The following ZNF385D variants were observed in gnomAD, a reference collection of about 807,000 sequenced individuals.
ZNF385D encodes the protein zinc finger protein 659.
A neutral mutation model predicts 35.8 loss-of-function variants in ZNF385D; 15 were observed. The observed-to-expected ratio is 0.42, with a 90% CI of 0.28 to 0.64. ZNF385D has a LOEUF of 0.64. ZNF385D is among the 30% of genes least tolerant of loss of function. The probability of loss-of-function intolerance (pLI) is 0.23; values close to 1 mark genes in which losing one functional copy is unlikely to be tolerated. For missense variants in ZNF385D, 474 were observed against 494.6 expected, an observed-to-expected ratio of 0.96 and a Z score of 0.39; for synonymous variants, 212 against 186.8, an observed-to-expected ratio of 1.13 and a Z score of -1.10.
chr3:21,667,206 G>T (rs774022344), intron 1 of ZNF385D, among the ~76,000 whole-genome samples: 1 of 152,206 alleles, frequency 6.6e-6, no homozygotes, highest in Non-Finnish European at 1.5e-5. Context: ...TTGTTTCCCA[G>T]GCTGGAGTGC....
chr3:21,970,120 C>T (rs570582229), intron 3 of ZNF385D, among the ~76,000 whole-genome samples: 1 of 152,222 alleles, frequency 6.6e-6, no homozygotes, highest in East Asian at 1.9e-4. Context: ...ACAAGCTGAA[C>T]TATGAAGGTA....
chr3:21,602,752 C>G (rs1020151039), intron 2 of ZNF385D, among the ~76,000 whole-genome samples: 4 of 151,222 alleles, frequency 2.6e-5, no homozygotes, highest in Admixed American at 2.6e-4. Context: ...CCAGGATGGT[C>G]TCGATCTCCT....
chr3:21,765,304 T>C (rs989841432), intron 3 of ZNF385D, among the ~76,000 whole-genome samples: 1 of 151,968 alleles, frequency 6.6e-6, no homozygotes, highest in African/African-American at 2.4e-5. Context: ...AAGGGATCAA[T>C]ACTGATGGAA....
chr3:22,158,665 TAC>T (rs1333676571), intron 3 of ZNF385D, among the ~76,000 whole-genome samples: 1 of 150,346 alleles, frequency 6.7e-6, no homozygotes, highest in African/African-American at 2.4e-5. Flanking sequence ...AATACCATCT[TAC>T]ACACACACAC....
chr3:21,817,412 G>A (rs2073199612), intron 3 of ZNF385D, among the ~76,000 whole-genome samples: 3 of 152,088 alleles, frequency 2.0e-5, no homozygotes, highest in Admixed American at 6.5e-5. Context: ...CAGAATGGGA[G>A]AAAATTGTTG....
intron 3 of ZNF385D, among the ~76,000 whole-genome samples, chr3:21,812,545 T>C (rs1002294795): frequency 6.6e-6 from 1 of 152,356 alleles, no homozygotes; most frequent in South Asian, 2.1e-4. Flanking sequence ...ACCAGGAGGT[T>C]ATATCCCATG....
intron 3 of ZNF385D, chr3:21,878,102 G>GATGACAT (rs1237699226): frequency 6.6e-6 from 1 of 151,930 alleles, no homozygotes; most frequent in Non-Finnish European, 1.5e-5. Context: ...TCTTCGAACT[G>GATGACAT]ATGACATCTT....
At chr3:21,896,394 TAAAAC>T (rs1699139168) in intron 3 of ZNF385D, among the ~76,000 whole-genome samples, 1 of 152,034 alleles carries the variant, frequency 6.6e-6, no homozygotes. Context: ...AAAAACAAAA[TAAAAC>T]AAAAAATTTC....
intron 2 of ZNF385D, among the ~76,000 whole-genome samples, chr3:22,293,446 C>T (rs905535292): frequency 3.3e-5 from 5 of 152,046 alleles, no homozygotes; most frequent in African/African-American, 7.2e-5. Context: ...AAACCTGGTA[C>T]TCTTCCCTAA....
chr3:21,939,311 G>C (rs1417822186), intron 3 of ZNF385D, among the ~76,000 whole-genome samples: 2 of 152,140 alleles, frequency 1.3e-5, no homozygotes, highest in African/African-American at 4.8e-5. Flanking sequence ...ACACTGTTAA[G>C]TACGTATTAT....
intron 3 of ZNF385D, among the ~76,000 whole-genome samples, chr3:21,909,339 T>A (rs184143131): frequency 6.6e-6 from 1 of 152,138 alleles, no homozygotes; most frequent in Admixed American, 6.6e-5. Flanking sequence ...CAACACAAAA[T>A]AACTCTCATG....
intron 3 of ZNF385D, among the ~76,000 whole-genome samples, chr3:21,542,220 T>C (rs2125564960): frequency 6.6e-6 from 1 of 152,312 alleles, no homozygotes; most frequent in Non-Finnish European, 1.5e-5. Flanking sequence ...TTACTTAGGA[T>C]ATGAATCCTG....
chr3:22,007,864 C>A (rs1696317153), intron 3 of ZNF385D, among the ~76,000 whole-genome samples: 1 of 151,280 alleles, frequency 6.6e-6, no homozygotes, highest in Non-Finnish European at 1.5e-5. Context: ...TTTGTTAATA[C>A]AAAAGCTTTC....
In ZNF385D at chr3:22,134,505, C is replaced by G. The variant is rs1040033294; in HGVS notation, c.325+34312G>C. On this transcript the variant is annotated intron_variant, in intron 3 of 5. Transcript: ENST00000494108. ...AGATCTAAACAACATCGTCAACCAACAAAATCTAACTGACAATTACAGAAC... is the reference window on the plus strand; with the variant it reads ...AGATCTAAACAACATCGTCAACCAAGAAAATCTAACTGACAATTACAGAAC... 2.6e-5 allele frequency: 4 copies of G among 151,866 alleles called. No homozygotes were observed. The East Asian group carries it at 7.8e-4, about 29-fold the overall frequency. 9.4% of individuals were successfully genotyped at this position (151,866 alleles called of 1,614,324 possible). A position where few individuals can be genotyped will look rare whatever the true frequency, so the allele number is the denominator to read the frequency against.
intron 3 of ZNF385D, among the ~76,000 whole-genome samples, chr3:22,111,949 A>G (rs1702559273): frequency 6.6e-6 from 1 of 152,116 alleles, no homozygotes; most frequent in South Asian, 2.1e-4. Flanking sequence ...ACTTCCATCA[A>G]ATGCAGCCAA....
At chr3:22,111,010 G>A (rs1200749451) in intron 3 of ZNF385D, among the ~76,000 whole-genome samples, 1 of 151,896 alleles carries the variant, frequency 6.6e-6, no homozygotes, top group East Asian at 1.9e-4. Flanking sequence ...ATCAAACTGA[G>A]AAAGGTCACT....
At chr3:22,042,489 G>C (rs1463754621) in intron 3 of ZNF385D, among the ~76,000 whole-genome samples, 3 of 152,070 alleles carry the variant, frequency 2.0e-5, no homozygotes, top group Non-Finnish European at 2.9e-5. Flanking sequence ...AGCATCTTAA[G>C]GTATCGTTCT....
Position 22,358,588 on chromosome 3 carries a change from G to T in ZNF385D, c.106+13862C>A, listed in dbSNP as rs138962688. On this transcript the variant is annotated intron_variant, in intron 2 of 5. Coordinates refer to the ZNF385D transcript ENST00000494108. ...CGGTCATAAAATAAGTGGGCATTGG[G>T]ACAGTAATCCTTTTGAGATGAGGAG... Among the ~76,000 whole-genome samples the T allele has an allele frequency of 3.4e-3, 521 of 151,862 alleles. 3 individuals are homozygous for T. Among genetic ancestry groups the T allele is most frequent in the African/African-American group, 0.011 (455 of 41,490 alleles).
At chr3:22,016,864 G>T (rs548287771) in intron 3 of ZNF385D, among the ~76,000 whole-genome samples, 103 of 151,842 alleles carry the variant, frequency 6.8e-4, no homozygotes, top group Non-Finnish European at 1.1e-3. Flanking sequence ...ATTGTAAAAC[G>T]CTAAGATCTA....
Sources: allele counts gnomAD v4.1 joint callset (sites outside exome capture counted in the v4.1 genomes callset), GRCh38; gene constraint gnomAD v4.1.1; transcripts MANE v1.5; gene names NCBI Gene and HGNC (gene_info 2026-07-23, HGNC 2026-07-21).